Variants in PDZRN3 observed in about 807,000 individuals in gnomAD.
The protein encoded by PDZRN3 is E3 ubiquitin-protein ligase PDZRN3.
A neutral mutation model predicts 85.7 loss-of-function variants in PDZRN3; 38 were observed. The ratio of observed to expected loss-of-function variants is 0.44; its 90% CI spans 0.34 to 0.58. PDZRN3 has a LOEUF of 0.58. Ranked by LOEUF, PDZRN3 falls within the 20% of genes least tolerant of loss-of-function variation. The pLI, the probability that PDZRN3 is intolerant of heterozygous loss-of-function variation, is 0.01. For synonymous variants in PDZRN3, 759 were observed against 638.0 expected, an observed-to-expected ratio of 1.19 and a Z score of -2.86; for missense variants, 1,629 against 1,506.4, an observed-to-expected ratio of 1.08 and a Z score of -1.35.
At chr3:73,393,804 G>A (rs1186776133) in intron 5 of PDZRN3, among the ~76,000 whole-genome samples, 2 of 152,156 alleles carry the variant, frequency 1.3e-5, no homozygotes, top group East Asian at 1.9e-4. Context: ...TGTAGAAAAC[G>A]ATTAGATTTA....
intron 3 of PDZRN3, among the ~76,000 whole-genome samples, chr3:73,416,256 C>A (rs549015485): frequency 8.5e-5 from 13 of 152,224 alleles, no homozygotes; most frequent in African/African-American, 2.6e-4. Flanking sequence ...AGTTTGGGAG[C>A]TTGAACTTGG....
At chr3:73,577,262 G>T (rs1575747468) in intron 3 of PDZRN3, among the ~76,000 whole-genome samples, 2 of 152,164 alleles carry the variant, frequency 1.3e-5, no homozygotes, top group Non-Finnish European at 2.9e-5. Context: ...TACATGACTA[G>T]CTTCTGCTGT....
At position 73,404,276 on chromosome 3, in the gene PDZRN3, C is replaced by T. The variant is rs549356702; in HGVS notation, c.1038G>A (p.Thr346=). 8.7e-6 allele frequency: 14 copies of T among 1,614,086 alleles called. No homozygotes were observed. Among genetic ancestry groups the T allele is most frequent in the South Asian group, 6.6e-5 (6 of 91,076 alleles). Residue 346 remains threonine, a synonymous_variant, in exon 4 of 10, where the codon ACG becomes ACA. Coordinates refer to ENST00000263666, the MANE Select transcript of PDZRN3 (RefSeq NM_015009.3). ...LRRTPRTKMF[T]PPSESQLVDT... is the part of the protein sequence containing the mutation. ...CCACCAGCTGAGACTCTGATGGAGG[C>T]GTGAACATTTTGGTCCTTGGTGTTC...
At chr3:73,400,329 G>A (rs1440287585) in intron 5 of PDZRN3, among the ~76,000 whole-genome samples, 1 of 152,152 alleles carries the variant, frequency 6.6e-6, no homozygotes, top group Admixed American at 6.5e-5. Flanking sequence ...GCAACCTGGT[G>A]TCCTCTAAAT....
intron 3 of PDZRN3, among the ~76,000 whole-genome samples, chr3:73,516,408 A>G (rs998075307): frequency 1.8e-4 from 28 of 152,344 alleles, no homozygotes; most frequent in African/African-American, 6.7e-4. Context: ...CATCTCTGCC[A>G]ACATCATTTG....
rs2106666166 is a variant in PDZRN3, at chr3:73,384,243, G to C, written c.2323C>G (p.Pro775Ala). 6.2e-7 allele frequency: 1 copy of C among 1,613,510 alleles called. No individual in the cohort carries two copies. Among genetic ancestry groups the C allele is most frequent in the Middle Eastern group, 1.6e-4 (1 of 6,062 alleles). The change falls in exon 10 of 10, where the codon CCC becomes GCC. Residue 775 changes from proline (P) to alanine (A), a missense_variant. Pro to Ala is a conservative substitution (Grantham distance 27). Coordinates refer to ENST00000263666, the MANE Select transcript of PDZRN3 (RefSeq NM_015009.3). ...GCCGCTCTCCTCAAGGAGTTGTCGG[G>C]GGAGATCTCCAGGGTGAGCGGGGTG... ...RSTPLTLEISPDNSLRRAAEG... is the reference protein window; with the variant it reads ...RSTPLTLEISADNSLRRAAEG...
chr3:73,600,516 T>A (rs1004267486), intron 3 of PDZRN3, among the ~76,000 whole-genome samples: 1 of 152,200 alleles, frequency 6.6e-6, no homozygotes, highest in Non-Finnish European at 1.5e-5. Flanking sequence ...ATTGCAATTA[T>A]ACATATATCG....
chr3:73,469,119 G>A (rs1247320311), intron 3 of PDZRN3, among the ~76,000 whole-genome samples: 1 of 150,918 alleles, frequency 6.6e-6, no homozygotes, highest in African/African-American at 2.4e-5. Flanking sequence ...TGTCACCCAG[G>A]CTAGAGTGCA....
At position 73,443,984 on chromosome 3, in the gene PDZRN3, T is replaced by C. The variant is rs114841418; in HGVS notation, c.919-39589A>G. 7.3e-3 allele frequency among the ~76,000 whole-genome samples: 1,109 copies of C among 152,292 alleles called. 9 individuals are homozygous for C. Among genetic ancestry groups the C allele is most frequent in the Non-Finnish European group, 0.01 (698 of 68,020 alleles). On this transcript the variant is annotated intron_variant, in intron 3 of 9. Transcript: ENST00000263666. ...CACATAATTTTGATCCCACCATATGTAACATGGCTGGAACGAACGCGCAAT... is the reference window on the plus strand; with the variant it reads ...CACATAATTTTGATCCCACCATATGCAACATGGCTGGAACGAACGCGCAAT...
chr3:73,473,107 T>C lies in PDZRN3; in HGVS notation c.919-68712A>G, dbSNP rs188201903. 6.0e-4 allele frequency among the ~76,000 whole-genome samples: 92 copies of C among 152,342 alleles called. 1 individual carries two copies. The highest frequency in any genetic ancestry group is 3.3e-3 in the Admixed American group (50 of 15,304). ...GAGCCCCTAAAAGGAGTGTAACAGA[T>C]AGAGATGCTCTCTACTTAATATCTC... On this transcript the variant is annotated intron_variant, in intron 3 of 9. Transcript: ENST00000263666.
At chr3:73,435,285 G>C (rs1224689437) in intron 3 of PDZRN3, among the ~76,000 whole-genome samples, 1 of 152,156 alleles carries the variant, frequency 6.6e-6, no homozygotes, top group Non-Finnish European at 1.5e-5. Context: ...ACTTGCTGGA[G>C]GGTGAGGAGC....
chr3:73,503,269 A>G (rs1330095142), intron 3 of PDZRN3, among the ~76,000 whole-genome samples: 1 of 152,218 alleles, frequency 6.6e-6, no homozygotes, highest in Non-Finnish European at 1.5e-5. Context: ...ATTAGGTGCT[A>G]CCTTTACAAG....
At position 73,501,941 on chromosome 3, in the gene PDZRN3, G is replaced by A. The variant is rs955611107; in HGVS notation, c.919-97546C>T. Among the ~76,000 whole-genome samples the A allele has an allele frequency of 2.0e-5, 3 of 152,194 alleles. No homozygotes were observed. The East Asian group carries it at 5.8e-4, about 29-fold the overall frequency. On this transcript the variant is annotated intron_variant, in intron 3 of 9. Coordinates refer to ENST00000263666, the MANE Select transcript of PDZRN3 (RefSeq NM_015009.3). ...TGAGGCAGGAGAATCGCTTGAACCT[G>A]GGAGGCGGAGATGCAGTGAGCTGAG...
chr3:73,533,774 G>C (rs773310973), intron 3 of PDZRN3, among the ~76,000 whole-genome samples: 2 of 152,070 alleles, frequency 1.3e-5, no homozygotes, highest in East Asian at 3.9e-4. Context: ...GTGTGTTACT[G>C]GGTGTTCCAC....
chr3:73,562,808 C>A (rs935849911), intron 3 of PDZRN3, among the ~76,000 whole-genome samples: 1 of 151,338 alleles, frequency 6.6e-6, no homozygotes, highest in Non-Finnish European at 1.5e-5. Flanking sequence ...GAATTCTTTA[C>A]CAGAAATGAT....
At chr3:73,435,637 A>G (rs949353579) in intron 3 of PDZRN3, among the ~76,000 whole-genome samples, 5 of 152,002 alleles carry the variant, frequency 3.3e-5, no homozygotes, top group African/African-American at 1.2e-4. Flanking sequence ...TTCGACCCCA[A>G]ATTAGATCTC....
intron 3 of PDZRN3, among the ~76,000 whole-genome samples, chr3:73,584,460 T>A (rs997592886): frequency 1.0e-4 from 3 of 29,434 alleles, no homozygotes; most frequent in Non-Finnish European, 2.1e-4. Flanking sequence ...ATGGTGTGTG[T>A]GTGTGTGTGT....
At chr3:73,481,489 G>T (rs1703559594) in intron 3 of PDZRN3, among the ~76,000 whole-genome samples, 2 of 151,376 alleles carry the variant, frequency 1.3e-5, no homozygotes, top group African/African-American at 4.9e-5. Flanking sequence ...CGCCTTCATG[G>T]CTGGCTAATT....
chr3:73,489,371 C>T (rs1294269269), intron 3 of PDZRN3, among the ~76,000 whole-genome samples: 1 of 152,088 alleles, frequency 6.6e-6, no homozygotes, highest in South Asian at 2.1e-4. Flanking sequence ...AATTATGTGG[C>T]TGATCCTGTT....
Sources: gnomAD v4.1 joint callset for allele counts (sites outside exome capture counted in the v4.1 genomes callset) on GRCh38, gnomAD v4.1.1 for gene constraint, MANE v1.5 for transcripts, NCBI Gene and HGNC (gene_info 2026-07-23, HGNC 2026-07-21) for gene names.